Variants in LRRC4C observed in about 807,000 individuals in gnomAD.
The protein encoded by LRRC4C is leucine-rich repeat-containing protein 4C.
Under a neutral mutation model 33.6 loss-of-function variants are expected in LRRC4C, and 5 were observed. The ratio of observed to expected loss-of-function variants is 0.15; its 90% CI spans 0.08 to 0.31. The LOEUF (loss-of-function observed/expected upper bound fraction) is 0.31, where lower values mean the gene tolerates loss of function less well. Ranked by LOEUF, LRRC4C falls within the 10% of genes least tolerant of loss-of-function variation. The pLI is 1.00. For missense variants in LRRC4C, 560 were observed against 796.7 expected (o/e 0.70, Z 3.58); for synonymous variants, 329 against 302.0 (o/e 1.09, Z -0.93).
chr11:40,476,961 A>AT (rs144209672), intron 3 of LRRC4C, among the ~76,000 whole-genome samples: 27 of 152,166 alleles, frequency 1.8e-4, no homozygotes, highest in African/African-American at 3.4e-4. Flanking sequence ...CATCTTTGCC[A>AT]TTTTTTTCCC....
intron 1 of LRRC4C, among the ~76,000 whole-genome samples, chr11:41,088,471 T>C (rs1232228121): frequency 6.6e-6 from 1 of 152,016 alleles, no homozygotes; most frequent in East Asian, 1.9e-4. Flanking sequence ...CTCTTTTCCA[T>C]AGCCATCAAC....
intron 3 of LRRC4C, among the ~76,000 whole-genome samples, chr11:40,331,024 C>T (rs1192708582): frequency 6.6e-6 from 1 of 152,144 alleles, no homozygotes; most frequent in African/African-American, 2.4e-5. Context: ...CTCTCTACTG[C>T]TACAGGGTCA....
At chr11:40,927,375 A>C (rs1314748661) in intron 2 of LRRC4C, among the ~76,000 whole-genome samples, 1 of 152,120 alleles carries the variant, frequency 6.6e-6, no homozygotes, top group Non-Finnish European at 1.5e-5. Flanking sequence ...GACTCAAAAA[A>C]TAAAAAAATT....
intron 2 of LRRC4C, among the ~76,000 whole-genome samples, chr11:40,922,873 T>A (rs1021159615): frequency 6.6e-6 from 1 of 152,212 alleles, no homozygotes. Context: ...TTGTATAGGC[T>A]GGTGCACAGT....
At chr11:41,179,948 A>G (rs1945374447) in intron 1 of LRRC4C, among the ~76,000 whole-genome samples, 1 of 152,164 alleles carries the variant, frequency 6.6e-6, no homozygotes, top group Admixed American at 6.6e-5. Flanking sequence ...ATTAATCACT[A>G]TGGTAAGAGC....
intron 1 of LRRC4C, among the ~76,000 whole-genome samples, chr11:41,080,220 T>A (rs1054442865): frequency 1.3e-5 from 2 of 152,174 alleles, no homozygotes; most frequent in Non-Finnish European, 2.9e-5. Context: ...CAACTAATCC[T>A]TTTTCCTAGG....
At chr11:41,035,992 T>TATA in intron 1 of LRRC4C, among the ~76,000 whole-genome samples, 3 of 152,124 alleles carry the variant, frequency 2.0e-5, no homozygotes, top group Admixed American at 2.0e-4. Context: ...AATATAGAAA[T>TATA]GTAACTATAC....
intron 2 of LRRC4C, among the ~76,000 whole-genome samples, chr11:40,703,887 A>G (rs1946009953): frequency 6.6e-6 from 1 of 152,180 alleles, no homozygotes; most frequent in South Asian, 2.1e-4. Flanking sequence ...TTTAGTAATT[A>G]ATCTTACCAT....
rs539785204 is a variant in LRRC4C, at chr11:41,440,381, A to C, written c.-496+19050T>G. Among the ~76,000 whole-genome samples, 17 of 152,270 alleles carry C rather than the reference A, an allele frequency of 1.1e-4. No homozygotes were observed. The South Asian group carries it at 3.5e-3, about 32-fold the overall frequency. On this transcript the variant is annotated intron_variant, in intron 1 of 6. Transcript: ENST00000528697. ...TGATGGTGAATTGGGGCCAGTTACAATTTAAAAAGAAACAGATTCCAGATA... is the reference window on the plus strand; with the variant it reads ...TGATGGTGAATTGGGGCCAGTTACACTTTAAAAAGAAACAGATTCCAGATA...
chr11:40,613,337 G>A (rs1961426750), intron 3 of LRRC4C, among the ~76,000 whole-genome samples: 1 of 151,838 alleles, frequency 6.6e-6, no homozygotes, highest in Non-Finnish European at 1.5e-5. Context: ...TTTCGACAAT[G>A]TTCACAGTAT....
At chr11:41,085,448 C>T (rs555290070) in intron 1 of LRRC4C, among the ~76,000 whole-genome samples, 411 of 152,252 alleles carry the variant, frequency 2.7e-3, no homozygotes, top group Non-Finnish European at 4.6e-3. Flanking sequence ...TTGACTGGCT[C>T]TCTCACTAGC....
At chr11:41,225,546 C>G (rs1003588026) in intron 1 of LRRC4C, among the ~76,000 whole-genome samples, 5 of 152,088 alleles carry the variant, frequency 3.3e-5, no homozygotes, top group African/African-American at 1.2e-4. Flanking sequence ...CACCTGTAAT[C>G]CCAGCACTTT....
chr11:40,410,767 A>C (rs1950129575), intron 3 of LRRC4C, among the ~76,000 whole-genome samples: 1 of 152,146 alleles, frequency 6.6e-6, no homozygotes, highest in Non-Finnish European at 1.5e-5. Context: ...GGAATCCAGT[A>C]ACGTAGGTGT....
chr11:41,349,155 C>T, intron 1 of LRRC4C, among the ~76,000 whole-genome samples: 1 of 152,126 alleles, frequency 6.6e-6, no homozygotes, highest in East Asian at 1.9e-4. Flanking sequence ...TGTAGTGTGA[C>T]CTTGACTACC....
At chr11:40,529,337 T>G in intron 3 of LRRC4C, among the ~76,000 whole-genome samples, 1 of 152,178 alleles carries the variant, frequency 6.6e-6, no homozygotes, top group East Asian at 1.9e-4. Flanking sequence ...TTATGTTAAA[T>G]AAATCTTTTT....
intron 1 of LRRC4C, among the ~76,000 whole-genome samples, chr11:40,985,958 A>G (rs888401813): frequency 1.4e-4 from 22 of 151,948 alleles, no homozygotes; most frequent in Admixed American, 8.5e-4. Context: ...AATCAACTAC[A>G]TATATAATTT....
At chr11:40,625,778 T>C (rs796950433) in intron 3 of LRRC4C, among the ~76,000 whole-genome samples, 1 of 152,124 alleles carries the variant, frequency 6.6e-6, no homozygotes, top group African/African-American at 2.4e-5. Context: ...TCTATTTACC[T>C]TCAAAAATTA....
At chr11:41,328,398 CT>C (rs2137343452) in intron 1 of LRRC4C, among the ~76,000 whole-genome samples, 1 of 152,184 alleles carries the variant, frequency 6.6e-6, no homozygotes, top group East Asian at 1.9e-4. Flanking sequence ...CCTGTCTCCC[CT>C]AGGTCCTCTC....
At chr11:40,511,226 G>A (rs945000569) in intron 3 of LRRC4C, among the ~76,000 whole-genome samples, 1 of 152,162 alleles carries the variant, frequency 6.6e-6, no homozygotes, top group East Asian at 1.9e-4. Flanking sequence ...AATTATATGA[G>A]CTCATACTGA....
Sources: allele counts gnomAD v4.1 joint callset (sites outside exome capture counted in the v4.1 genomes callset), GRCh38; gene constraint gnomAD v4.1.1; transcripts MANE v1.5; gene names NCBI Gene and HGNC (gene_info 2026-07-23, HGNC 2026-07-21).